Variants in COL28A1 observed in about 807,000 individuals in gnomAD.
The protein encoded by COL28A1 is collagen type XXVIII alpha 1 chain, also known as collagen alpha-1(XXVIII) chain.
COL28A1 carries 161 observed loss-of-function variants against 150.2 expected under a neutral mutation model. That is an observed-to-expected ratio of 1.07 (90% CI 0.94 to 1.22). COL28A1 has a LOEUF of 1.22. Among genes scored for constraint, COL28A1 ranks in the 50% most tolerant of loss-of-function variants. The pLI is 0.00. For missense variants in COL28A1, 1,617 were observed against 1,388.3 expected, an observed-to-expected ratio of 1.16 and a Z score of -2.62; for synonymous variants, 552 against 469.7, an observed-to-expected ratio of 1.18 and a Z score of -2.26.
intron 27 of COL28A1, among the ~76,000 whole-genome samples, chr7:7,413,584 A>G (rs1228534460): frequency 6.6e-6 from 1 of 152,232 alleles, no homozygotes; most frequent in Admixed American, 6.5e-5. Context: ...TACCCCTTCT[A>G]CATACTCCCT....
upstream of COL28A1, among the ~76,000 whole-genome samples, chr7:7,538,091 G>A (rs559541759): frequency 2.0e-5 from 3 of 152,218 alleles, no homozygotes; most frequent in South Asian, 6.2e-4. Flanking sequence ...CCAAAGATTT[G>A]CCACCTCTCA....
At chr7:7,408,936 T>G (rs1052773328) in intron 27 of COL28A1, among the ~76,000 whole-genome samples, 11 of 152,158 alleles carry the variant, frequency 7.2e-5, no homozygotes, top group African/African-American at 2.4e-4. Context: ...CTGATTTGAT[T>G]ACTCCCTAAC....
chr7:7,439,849 C>G (rs975395586), intron 21 of COL28A1, among the ~76,000 whole-genome samples: 7 of 152,200 alleles, frequency 4.6e-5, no homozygotes, highest in African/African-American at 1.7e-4. Flanking sequence ...GATTTGTAAT[C>G]ATCCCCAGGT....
At chr7:7,466,530 C>T (rs1264832426) in intron 15 of COL28A1, among the ~76,000 whole-genome samples, 2 of 94,228 alleles carry the variant, frequency 2.1e-5, no homozygotes, top group East Asian at 2.6e-4. Flanking sequence ...GGAAAACACT[C>T]TGCAGGATAT....
intron 2 of COL28A1, among the ~76,000 whole-genome samples, chr7:7,532,405 G>A (rs1018185991): frequency 1.3e-5 from 2 of 151,978 alleles, no homozygotes; most frequent in African/African-American, 2.4e-5. Context: ...TTAAATCCCA[G>A]CTCTGTGTCT....
At chr7:7,345,240 T>C in the COL28A1 span, among the ~76,000 whole-genome samples, 2 of 151,944 alleles carry the variant, frequency 1.3e-5, no homozygotes, top group South Asian at 2.1e-4. Context: ...GTTGTTTGTA[T>C]TGAGAGAAAA....
At chr7:7,419,276 G>C (rs1784269796) in intron 26 of COL28A1, among the ~76,000 whole-genome samples, 1 of 152,166 alleles carries the variant, frequency 6.6e-6, no homozygotes, top group African/African-American at 2.4e-5. Context: ...AGCATCTCTG[G>C]ACTTGATCTA....
chr7:7,396,005 G>C (rs1782815035), intron 27 of COL28A1, among the ~76,000 whole-genome samples: 1 of 152,224 alleles, frequency 6.6e-6, no homozygotes, highest in African/African-American at 2.4e-5. Flanking sequence ...TAGTCAACAA[G>C]TATTTGGCCT....
In COL28A1 at chr7:7,453,460, G is replaced by A. The variant is rs762958657; in HGVS notation, c.1420C>T (p.Gln474Ter). 1 of 1,290,656 alleles carries A rather than the reference G, an allele frequency of 7.7e-7. No individual in the cohort carries two copies. Among genetic ancestry groups the A allele is most frequent in the Admixed American group, 1.7e-5 (1 of 59,390 alleles). 80.0% of individuals were successfully genotyped at this position (1,290,656 alleles called of 1,614,324 possible). A position where few individuals can be genotyped will look rare whatever the true frequency, so the allele number is the denominator to read the frequency against. The part of the protein sequence containing the change: ...GPPGPQGPAG[Q>*]GLPGSKGEVG... ...GTTACCTTGGAACCAGGTAAGCCCT[G>A]TCCTGCGGGCCCTTGTGGACCAGGT... Residue 474 changes from glutamine (Q) to a stop codon, truncating the protein, a stop_gained, in exon 17 of 35, where the codon CAG becomes TAG. Coordinates refer to ENST00000399429, the MANE Select transcript of COL28A1 (RefSeq NM_001037763.3). LOFTEE classifies it high-confidence loss of function.
At chr7:7,464,259 CAG>C (rs1787872149) in intron 15 of COL28A1, among the ~76,000 whole-genome samples, 1 of 152,132 alleles carries the variant, frequency 6.6e-6, no homozygotes, top group Non-Finnish European at 1.5e-5. Context: ...GTCATCGAGA[CAG>C]AACGTCAACA....
At chr7:7,532,001 G>C in intron 2 of COL28A1, 97 bp from the exon 3 acceptor site, 1 of 693,240 alleles carries the variant, frequency 1.4e-6, no homozygotes, top group Non-Finnish European at 2.5e-6. Flanking sequence ...TATATTGTTT[G>C]GTGTTGAGAG....
chr7:7,387,223 A>G (rs867913528), intron 27 of COL28A1, among the ~76,000 whole-genome samples: 6 of 152,136 alleles, frequency 3.9e-5, no homozygotes, highest in African/African-American at 1.4e-4. Flanking sequence ...ATCTTTAGAG[A>G]TGCCCTACTA....
At chr7:7,452,844 C>T (rs1004112990) in intron 17 of COL28A1, among the ~76,000 whole-genome samples, 2 of 152,150 alleles carry the variant, frequency 1.3e-5, no homozygotes, top group East Asian at 3.8e-4. Flanking sequence ...GCTTCTCACA[C>T]GGACAGCTCT....
intron 25 of COL28A1, among the ~76,000 whole-genome samples, chr7:7,424,626 G>A (rs968986834): frequency 2.2e-4 from 33 of 152,038 alleles, no homozygotes; most frequent in Admixed American, 2.0e-3. Flanking sequence ...ACAGACGTGC[G>A]AGCAAATTCT....
At chr7:7,344,373 C>G in the COL28A1 span, among the ~76,000 whole-genome samples, 1 of 151,802 alleles carries the variant, frequency 6.6e-6, no homozygotes, top group Non-Finnish European at 1.5e-5. Context: ...CAGGGTAATC[C>G]TCTAATGGCT....
At chr7:7,374,542 TA>T (rs1027185299) in intron 31 of COL28A1, among the ~76,000 whole-genome samples, 19 of 152,114 alleles carry the variant, frequency 1.2e-4, no homozygotes, top group African/African-American at 4.3e-4. Context: ...CTAGTCAATT[TA>T]AAAAAACCTT....
intron 13 of COL28A1, among the ~76,000 whole-genome samples, chr7:7,479,585 T>C (rs1051403034): frequency 6.6e-6 from 1 of 152,218 alleles, no homozygotes; most frequent in Non-Finnish European, 1.5e-5. Flanking sequence ...AAAACTTGAA[T>C]TATTTCAGGA....
intron 27 of COL28A1, among the ~76,000 whole-genome samples, chr7:7,382,933 A>G (rs1276615457): frequency 2.6e-5 from 4 of 152,162 alleles, no homozygotes; most frequent in Admixed American, 6.5e-5. Context: ...CTTGGAGACC[A>G]TTACAACTTT....
At chr7:7,423,590 G>A (rs1784491417) in intron 25 of COL28A1, among the ~76,000 whole-genome samples, 1 of 151,966 alleles carries the variant, frequency 6.6e-6, no homozygotes, top group Non-Finnish European at 1.5e-5. Flanking sequence ...ACGGAGAGAA[G>A]GCAAGATTTT....
Sources: allele counts gnomAD v4.1 joint callset (sites outside exome capture counted in the v4.1 genomes callset), GRCh38; gene constraint gnomAD v4.1.1; transcripts MANE v1.5; gene names NCBI Gene and HGNC (gene_info 2026-07-23, HGNC 2026-07-21).